Variants in CAPN13 observed in about 807,000 individuals in gnomAD.
The protein encoded by CAPN13 is calpain 13, also known as calpain-13.
In CAPN13, 90 loss-of-function variants were observed where a neutral mutation model predicts 98.4. The ratio of observed to expected loss-of-function variants is 0.92; its 90% CI spans 0.77 to 1.09. The LOEUF (loss-of-function observed/expected upper bound fraction) is 1.09, where lower values mean the gene tolerates loss of function less well. Among genes scored for constraint, CAPN13 ranks in the 50% least tolerant of loss-of-function variants. The pLI is 0.00. For missense variants in CAPN13, 887 were observed against 841.3 expected (o/e 1.05, Z -0.67); for synonymous variants, 330 against 305.5 (o/e 1.08, Z -0.84).
intron 5 of CAPN13, among the ~76,000 whole-genome samples, chr2:30,767,853 C>T (rs1276276411): frequency 2.0e-5 from 3 of 152,190 alleles, no homozygotes; most frequent in Non-Finnish European, 2.9e-5. Flanking sequence ...CCCAGGACTG[C>T]ACTCGGCAAG....
chr2:30,775,480 GACAA>G (rs1673639764), intron 4 of CAPN13, among the ~76,000 whole-genome samples: 1 of 151,742 alleles, frequency 6.6e-6, no homozygotes, highest in Non-Finnish European at 1.5e-5. Flanking sequence ...AAAAAAAATA[GACAA>G]AATAATTTTA....
At chr2:30,797,013 C>G (rs1270600015) in intron 1 of CAPN13, among the ~76,000 whole-genome samples, 3 of 152,184 alleles carry the variant, frequency 2.0e-5, no homozygotes, top group Admixed American at 6.5e-5. Context: ...TTATATCCAC[C>G]TGAAAGAGGT....
In CAPN13 at chr2:30,763,072, C is replaced by A. The variant is rs772614716; in HGVS notation, c.774+10G>T. ...AGGGGAGAGCTGGACAGGCCAGCAGCCAGCCTTACCTGCTCAGCCCCAGTC... is the reference window on the plus strand; with the variant it reads ...AGGGGAGAGCTGGACAGGCCAGCAGACAGCCTTACCTGCTCAGCCCCAGTC... On this transcript the variant is annotated intron_variant, in intron 7 of 22. Transcript: ENST00000295055. The A allele has an allele frequency of 2.5e-6, 4 of 1,602,838 alleles. No individual in the cohort carries two copies. The Admixed American group carries it at 6.7e-5, about 27-fold the overall frequency.
At chr2:30,752,582 G>A (rs578081902) in intron 10 of CAPN13, among the ~76,000 whole-genome samples, 2 of 152,280 alleles carry the variant, frequency 1.3e-5, no homozygotes, top group Non-Finnish European at 2.9e-5. Flanking sequence ...TAGGCTCAAG[G>A]ACAGACAAGT....
intron 4 of CAPN13, among the ~76,000 whole-genome samples, chr2:30,771,263 A>C (rs2148039027): frequency 6.6e-6 from 1 of 152,220 alleles, no homozygotes; most frequent in East Asian, 1.9e-4. Context: ...GAGAAGCAGC[A>C]GGGCTTCCAG....
At chr2:30,724,012 G>A (rs72613850) in intron 22 of CAPN13, among the ~76,000 whole-genome samples, 5,905 of 152,262 alleles carry the variant, frequency 0.039, 204 homozygotes, top group East Asian at 0.14. Flanking sequence ...TCTAGGTAAT[G>A]TGCTTATGCA....
At chr2:30,731,079 T>G (rs753457418) in intron 21 of CAPN13, among the ~76,000 whole-genome samples, 26 of 152,224 alleles carry the variant, frequency 1.7e-4, no homozygotes, top group Non-Finnish European at 3.1e-4. Context: ...CAGCGGGCTG[T>G]CCTTCTGTTC....
At chr2:30,757,928 C>A (rs1672539739) in intron 8 of CAPN13, 118 bp downstream of exon 8, 1 of 721,858 alleles carries the variant, frequency 1.4e-6, no homozygotes, top group Non-Finnish European at 2.2e-6. Context: ...TAGGTGTGAG[C>A]TGGACAGGCC....
intron 5 of CAPN13, among the ~76,000 whole-genome samples, chr2:30,764,565 G>A (rs369322054): frequency 6.6e-5 from 10 of 152,194 alleles, no homozygotes; most frequent in African/African-American, 2.4e-4. Flanking sequence ...ACTGACGAGA[G>A]GCTGGGAGTG....
intron 1 of CAPN13, among the ~76,000 whole-genome samples, chr2:30,795,845 A>G (rs1441354397): frequency 2.0e-5 from 3 of 152,038 alleles, no homozygotes; most frequent in Non-Finnish European, 2.9e-5. Flanking sequence ...AATGTAAGAA[A>G]CTTTGTAAGA....
intron 17 of CAPN13, among the ~76,000 whole-genome samples, chr2:30,736,852 T>C (rs961931895): frequency 1.3e-5 from 2 of 152,198 alleles, no homozygotes; most frequent in Admixed American, 1.3e-4. Context: ...AACACGGCCT[T>C]CACCAGTTGG....
At chr2:30,767,862 A>T (rs1673188903) in intron 5 of CAPN13, among the ~76,000 whole-genome samples, 1 of 152,196 alleles carries the variant, frequency 6.6e-6, no homozygotes, top group Non-Finnish European at 1.5e-5. Flanking sequence ...GCACTCGGCA[A>T]GGCTGCAGAA....
At chr2:30,770,222 G>T in intron 5 of CAPN13, 91 bp downstream of exon 5, 3 of 1,522,354 alleles carry the variant, frequency 2.0e-6, no homozygotes, top group Non-Finnish European at 2.7e-6. Context: ...GGTGGCAAAG[G>T]CTGCAATGCT....
chr2:30,756,011 C>G (rs1027025814), intron 8 of CAPN13, among the ~76,000 whole-genome samples: 2 of 152,068 alleles, frequency 1.3e-5, no homozygotes, highest in African/African-American at 4.8e-5. Flanking sequence ...TATGCAGTCC[C>G]CGTCACTTCC....
At chr2:30,786,154 A>G (rs909481783) in intron 2 of CAPN13, among the ~76,000 whole-genome samples, 1 of 152,202 alleles carries the variant, frequency 6.6e-6, no homozygotes, top group African/African-American at 2.4e-5. Flanking sequence ...GTAGTCACCA[A>G]TAGAAAATAA....
At chr2:30,732,628 T>G in intron 19 of CAPN13, 62 bp from the exon 20 acceptor site, 1 of 1,554,480 alleles carries the variant, frequency 6.4e-7, no homozygotes, top group South Asian at 1.2e-5. Flanking sequence ...CCTCTGCCTC[T>G]CAGGGTCTGA....
chr2:30,779,097 G>A (rs1324483990), intron 2 of CAPN13, among the ~76,000 whole-genome samples: 1 of 152,222 alleles, frequency 6.6e-6, no homozygotes, highest in Non-Finnish European at 1.5e-5. Flanking sequence ...AAGTAAAGAA[G>A]AGATGGAGGC....
intron 8 of CAPN13, among the ~76,000 whole-genome samples, chr2:30,754,682 A>G (rs1172520725): frequency 6.6e-6 from 1 of 152,154 alleles, no homozygotes; most frequent in Non-Finnish European, 1.5e-5. Context: ...CTATTGCCTG[A>G]GCGAGAACAT....
chr2:30,736,636 A>G (rs1671381287), intron 17 of CAPN13, 65 bp from the exon 18 acceptor site: 2 of 1,463,260 alleles, frequency 1.4e-6, no homozygotes, highest in Admixed American at 3.4e-5. Flanking sequence ...CATCCTGCCA[A>G]CAAAGCCAGA....
Sources: gnomAD v4.1 joint callset for allele counts (sites outside exome capture counted in the v4.1 genomes callset) on GRCh38, gnomAD v4.1.1 for gene constraint, MANE v1.5 for transcripts, NCBI Gene and HGNC (gene_info 2026-07-23, HGNC 2026-07-21) for gene names.